Variants in ZNF611 observed in about 807,000 individuals in gnomAD.
ZNF611 encodes the protein zinc finger protein 611.
In ZNF611, 6 loss-of-function variants were observed where a neutral mutation model predicts 8.9. The observed-to-expected ratio is 0.68, with a 90% confidence interval of 0.37 to 1.34. ZNF611 has a LOEUF of 1.34. Ranked by LOEUF, ZNF611 falls within the 40% of genes most tolerant of loss-of-function variation. The probability of loss-of-function intolerance (pLI) is 0.02; values close to 1 mark genes in which losing one functional copy is unlikely to be tolerated. For synonymous variants in ZNF611, 262 were observed against 279.7 expected, an observed-to-expected ratio of 0.94 and a Z score of 0.63; for missense variants, 874 against 841.3, an observed-to-expected ratio of 1.04 and a Z score of -0.48.
Position 52,730,315 on chromosome 19 carries a change from C to T in ZNF611, c.-221-310G>A, listed in dbSNP as rs2062417428. 3.5e-5 allele frequency among the ~76,000 whole-genome samples: 5 copies of T among 142,730 alleles called. No individual in the cohort carries two copies. The South Asian group carries it at 1.1e-3, about 32-fold the overall frequency. The allele number at this position is 142,730 out of a possible 152,430, so 93.6% of individuals were successfully genotyped here. On this transcript the variant is annotated intron_variant, in intron 1 of 5. Coordinates refer to ENST00000652185, the MANE Select transcript of ZNF611 (RefSeq NM_001161499.2). Reference sequence around the variant, plus strand: ...GCTGAGGCAGGAGAATGGCATGAACCCGGGAGGTGGAGGTTGCAGTGAGCC... The same window carrying T: ...GCTGAGGCAGGAGAATGGCATGAACTCGGGAGGTGGAGGTTGCAGTGAGCC...
rs139206543 is a variant in ZNF611, at chr19:52,705,811, C to T, written c.1244G>A (p.Arg415Gln). 1.1e-4 allele frequency: 180 copies of T among 1,613,668 alleles called. 1 individual carries two copies. The highest frequency in any genetic ancestry group is 3.3e-4 in the Middle Eastern group (2 of 6,062). Residue 415 changes from arginine to glutamine, a missense_variant, in exon 6 of 6, where the codon CGA becomes CAA. Coordinates refer to ENST00000652185, the MANE Select transcript of ZNF611 (RefSeq NM_001161499.2). ...CTTTGCAGTATGAATTCTTCTATGT[C>T]GAGCCAGCTGTGAATGCCACGTGAA... ...TAFTWHSQLA[R>Q]HRRIHTAKKT...
chr19:52,721,690 G>GGAGGGA (rs1260930317), intron 3 of ZNF611, among the ~76,000 whole-genome samples: 5 of 151,612 alleles, frequency 3.3e-5, no homozygotes, highest in Non-Finnish European at 4.4e-5. Flanking sequence ...AGGGAGAGAG[G>GGAGGGA]GAGGGAGAGG....
In ZNF611 at chr19:52,719,681, C is replaced by G. The variant is rs59377552; in HGVS notation, c.-19-3768G>C. On this transcript the variant is annotated intron_variant, in intron 3 of 5. Coordinates refer to ENST00000652185, the MANE Select transcript of ZNF611 (RefSeq NM_001161499.2). ...TATACATAGCTCTTTCTCACCTTCT[C>G]TCTCCATCTGTTTCTTTTCTGCATT... Among the ~76,000 whole-genome samples, 919 of 152,336 alleles carry G rather than the reference C, an allele frequency of 6.0e-3. 8 individuals carry two copies. The highest frequency in any genetic ancestry group is 0.021 in the African/African-American group (856 of 41,568).
rs145377318 is a variant in ZNF611, at chr19:52,720,142, C to T, written c.-19-4229G>A. ...CAGAAGAATTTTTCTTAGTACAGAA[C>T]AAAATAGAGTCTCCTATGTCTACTT... On this transcript the variant is annotated intron_variant, in intron 3 of 5. Transcript: ENST00000652185. Among the ~76,000 whole-genome samples, 301 of 152,344 alleles carry T rather than the reference C, an allele frequency of 2.0e-3. 2 individuals are homozygous for T. Among genetic ancestry groups the T allele is most frequent in the East Asian group, 1.9e-3 (10 of 5,188 alleles).
chr19:52,717,166 T>G (rs2062323046), intron 3 of ZNF611, among the ~76,000 whole-genome samples: 1 of 152,212 alleles, frequency 6.6e-6, no homozygotes, highest in Non-Finnish European at 1.5e-5. Context: ...CAAACCAACG[T>G]ACTTCTTACA....
At chr19:52,712,931 T>A (rs145717637) in intron 5 of ZNF611, among the ~76,000 whole-genome samples, 4,632 of 152,272 alleles carry the variant, frequency 0.03, 146 homozygotes, top group African/African-American at 0.075. Flanking sequence ...CTGTGGCTCA[T>A]GCCTGTAATC....
intron 5 of ZNF611, among the ~76,000 whole-genome samples, chr19:52,712,936 G>A (rs2147425235): frequency 6.6e-6 from 1 of 152,320 alleles, no homozygotes; most frequent in African/African-American, 2.4e-5. Context: ...GCTCATGCCT[G>A]TAATCCCAGC....
intron 2 of ZNF611, 54 bp downstream of exon 2, chr19:52,729,852 G>GATGT (rs1224491135): frequency 6.6e-6 from 1 of 152,122 alleles, no homozygotes; most frequent in Admixed American, 6.5e-5. Context: ...ACTATCTTCT[G>GATGT]ATGTATGAGT....
chr19:52,723,568 G>C (rs2062373657), intron 3 of ZNF611: 1 of 152,184 alleles, frequency 6.6e-6, no homozygotes, highest in Non-Finnish European at 1.5e-5. Context: ...TATTGAAGGG[G>C]GCCAGCCCCT....
chr19:52,706,830 C>A lies in ZNF611; in HGVS notation c.225G>T (p.Leu75Phe), dbSNP rs1442000606. The change falls in exon 6 of 6, where the codon TTG becomes TTT. Residue 75 changes from leucine (L) to phenylalanine (F), a missense_variant. Physicochemically the swap from Leu to Phe is conservative, Grantham distance 22 (BLOSUM62 0). Transcript: ENST00000652185. ...CTTCTGTATTGCCTTGCCCTGTTGACAAGACCTCCTTCATCATGCATTTGG... is the reference window on the plus strand; with the variant it reads ...CTTCTGTATTGCCTTGCCCTGTTGAAAAGACCTCCTTCATCATGCATTTGG... ...ISSKCMMKEV[L>F]STGQGNTEVI... 6.2e-7 allele frequency: 1 copy of A among 1,610,182 alleles called. No individual in the cohort carries two copies. Among genetic ancestry groups the A allele is most frequent in the Non-Finnish European group, 8.5e-7 (1 of 1,178,812 alleles).
At chr19:52,719,747 T>G (rs1449076717) in intron 3 of ZNF611, among the ~76,000 whole-genome samples, 1 of 152,258 alleles carries the variant, frequency 6.6e-6, no homozygotes, top group Admixed American at 6.5e-5. Flanking sequence ...CTCTCCTGTT[T>G]TGCTTCATTC....
At chr19:52,714,349 C>T (rs1016288121) in intron 4 of ZNF611, among the ~76,000 whole-genome samples, 12 of 151,834 alleles carry the variant, frequency 7.9e-5, no homozygotes, top group South Asian at 2.1e-4. Context: ...TAAGTCACTA[C>T]GGAAATCTCG....
intron 5 of ZNF611, among the ~76,000 whole-genome samples, chr19:52,710,306 T>C (rs940606187): frequency 2.0e-5 from 3 of 151,142 alleles, no homozygotes; most frequent in African/African-American, 7.3e-5. Flanking sequence ...CATGGCTCAC[T>C]GCAACATCCA....
chr19:52,705,343 C>A lies in ZNF611; in HGVS notation c.1712G>T (p.Cys571Phe). ...SGEKPYKCNECSKTFSHRSYL... is the reference protein window; with the variant it reads ...SGEKPYKCNEFSKTFSHRSYL... ...TGACCTGTGACTGAAGGTCTTGCTG[C>A]ACTCATTACACTTGTAAGGTTTCTC... Residue 571 changes from cysteine (C) to phenylalanine (F), a missense_variant, in exon 6 of 6, where the codon TGC becomes TTC. Cys to Phe is a radical substitution (Grantham distance 205). Coordinates refer to ENST00000652185, the MANE Select transcript of ZNF611 (RefSeq NM_001161499.2). 6.2e-7 allele frequency: 1 copy of A among 1,614,170 alleles called. No homozygotes were observed.
intron 5 of ZNF611, among the ~76,000 whole-genome samples, chr19:52,712,130 C>A (rs1474709308): frequency 6.6e-6 from 1 of 152,090 alleles, no homozygotes; most frequent in Non-Finnish European, 1.5e-5. Flanking sequence ...AGTTTTACAT[C>A]TCTTAAATTG....
chr19:52,706,042 G>C lies in ZNF611; in HGVS notation c.1013C>G (p.Thr338Ser). The C allele has an allele frequency of 1.2e-6, 2 of 1,614,032 alleles. No individual in the cohort carries two copies. Among genetic ancestry groups the C allele is most frequent in the Non-Finnish European group, 1.7e-6 (2 of 1,179,996 alleles). Residue 338 changes from threonine (T) to serine (S), a missense_variant, in exon 6 of 6, where the codon ACT becomes AGT. Transcript: ENST00000652185. ...ATTACACTTGTAAGGATTTTCTCCA[G>C]TATCAATTGCCTTATCAATTAGAAG... ...SALLIDKAID[T>S]GENPYKCNEC...
At chr19:52,713,200 C>G (rs754117478) in intron 5 of ZNF611, among the ~76,000 whole-genome samples, 7 of 152,004 alleles carry the variant, frequency 4.6e-5, no homozygotes, top group Middle Eastern at 3.4e-3. Context: ...TGACTCAAAA[C>G]AAACAAACAA....
At chr19:52,712,602 C>T (rs939451994) in intron 5 of ZNF611, among the ~76,000 whole-genome samples, 1 of 150,008 alleles carries the variant, frequency 6.7e-6, no homozygotes, top group African/African-American at 2.5e-5. Flanking sequence ...TGCACCACTG[C>T]ACTCCAGCAT....
At chr19:52,730,929 ATTTCTT>A (rs1307124141) in intron 1 of ZNF611, among the ~76,000 whole-genome samples, 2 of 151,208 alleles carry the variant, frequency 1.3e-5, no homozygotes, top group Non-Finnish European at 2.9e-5. Context: ...GCTGATTGTT[ATTTCTT>A]TTTGTTTGTT....
Sources: allele counts gnomAD v4.1 joint callset (sites outside exome capture counted in the v4.1 genomes callset), GRCh38; gene constraint gnomAD v4.1.1; transcripts MANE v1.5; gene names NCBI Gene and HGNC (gene_info 2026-07-23, HGNC 2026-07-21).